The following BMP2K variants were observed in gnomAD, a reference collection of about 807,000 sequenced individuals.
The protein encoded by BMP2K is BMP2 inducible kinase.
In BMP2K, 74 loss-of-function variants were observed where a neutral mutation model predicts 116.0. That is an observed-to-expected ratio of 0.64 (90% CI 0.53 to 0.77). The LOEUF is 0.77. BMP2K is among the 30% of genes least tolerant of loss of function. The probability of loss-of-function intolerance (pLI) is 0.00; values close to 1 mark genes in which losing one functional copy is unlikely to be tolerated. For missense variants in BMP2K, 1,365 were observed against 1,403.6 expected, an observed-to-expected ratio of 0.97 and a Z score of 0.44; for synonymous variants, 486 against 502.5, an observed-to-expected ratio of 0.97 and a Z score of 0.44.
rs527236630 is a variant in BMP2K at position 78,847,451 on chromosome 4, T to C, written c.750+182T>C. Among the ~76,000 whole-genome samples, 5 of 151,830 alleles carry C rather than the reference T, an allele frequency of 3.3e-5. No individual in the cohort carries two copies. In the East Asian group the frequency reaches 9.6e-4, roughly 29 times the overall value. Reference sequence around the variant, plus strand: ...ACATTTTATCTTCTCAATCCTGAGATGGAAAGCTTATGTATCAAAAAGCAA... The same window carrying C: ...ACATTTTATCTTCTCAATCCTGAGACGGAAAGCTTATGTATCAAAAAGCAA... On this transcript the variant is annotated intron_variant, in intron 6 of 15. Transcript: ENST00000502613.
intron 1 of BMP2K, among the ~76,000 whole-genome samples, chr4:78,793,137 T>C (rs900718509): frequency 6.6e-6 from 1 of 152,068 alleles, no homozygotes; most frequent in Non-Finnish European, 1.5e-5. Context: ...GTAGGCCGGG[T>C]GCGGTGGCTC....
chr4:78,812,880 C>G (rs1161496095), intron 1 of BMP2K, among the ~76,000 whole-genome samples: 1 of 151,640 alleles, frequency 6.6e-6, no homozygotes, highest in African/African-American at 2.4e-5. Flanking sequence ...CCATCTCTAC[C>G]AAAAAATTAA....
intron 2 of BMP2K, among the ~76,000 whole-genome samples, chr4:78,829,858 C>G (rs1292848867): frequency 1.3e-5 from 1 of 79,884 alleles, no homozygotes; most frequent in Non-Finnish European, 2.9e-5. Flanking sequence ...TTCTTTTTTT[C>G]TTTTCTTTTC....
chr4:78,870,940 GCAGCAGCAGCAGCAACAGCAA>G lies in BMP2K; in HGVS notation c.1425_1445del (p.Gln480_Gln486del), dbSNP rs763199077. 1.2e-4 allele frequency: 193 copies of G among 1,608,356 alleles called. No individual in the cohort carries two copies. The highest frequency in any genetic ancestry group is 8.2e-4 in the Middle Eastern group (5 of 6,062). ...ATCGTCATCCTCACCAGCAGCAGCA[GCAGCAGCAGCAGCAACAGCAA>G]CAGCAGCAGCAGCAACAGCAACAGC... is the stretch of plus-strand genomic sequence containing the variant. On this transcript the variant is annotated inframe_deletion, in exon 11 of 16. Transcript: ENST00000502613.
chr4:78,878,037 A>G (rs1288259842), intron 13 of BMP2K, among the ~76,000 whole-genome samples: 1 of 152,186 alleles, frequency 6.6e-6, no homozygotes, highest in Non-Finnish European at 1.5e-5. Flanking sequence ...TTAAAAGCCA[A>G]GAGCCCTGTA....
intron 15 of BMP2K, among the ~76,000 whole-genome samples, chr4:78,909,680 G>A (rs965173670): frequency 1.9e-4 from 29 of 151,974 alleles, no homozygotes; most frequent in Admixed American, 7.9e-4. Context: ...CCTAACTGTC[G>A]TCTCCTTAGG....
In BMP2K at chr4:78,776,411, A is replaced by C; in HGVS notation, c.-133A>C. 93 of 848,954 alleles carry C rather than the reference A, an allele frequency of 1.1e-4. No individual in the cohort carries two copies. Among genetic ancestry groups the C allele is most frequent in the East Asian group, 7.0e-4 (9 of 12,862 alleles). The allele number at this position is 848,954 out of a possible 1,614,324, so 52.6% of individuals were successfully genotyped here. On this transcript the variant is annotated 5_prime_UTR_variant, in exon 1 of 16. An upstream start codon of the reference 5' UTR is lost. Transcript: ENST00000502613. ...AGGCTGTGCGCTTGGGGAGCGCGGAATGTGAGGCTTGGCGGGCCGCAGCAC... is the reference window on the plus strand; with the variant it reads ...AGGCTGTGCGCTTGGGGAGCGCGGACTGTGAGGCTTGGCGGGCCGCAGCAC...
intron 15 of BMP2K, among the ~76,000 whole-genome samples, chr4:78,902,290 TAAAG>T (rs1024887809): frequency 2.0e-5 from 3 of 152,196 alleles, no homozygotes; most frequent in Non-Finnish European, 2.9e-5. Context: ...TAACCTATTT[TAAAG>T]AAAAATTTAT....
At chr4:78,880,223 C>A (rs1732831509) in intron 14 of BMP2K, among the ~76,000 whole-genome samples, 1 of 152,160 alleles carries the variant, frequency 6.6e-6, no homozygotes, top group Non-Finnish European at 1.5e-5. Flanking sequence ...CAGGCATGTG[C>A]CACCACGCCC....
At chr4:78,796,812 A>C (rs1186696918) in intron 1 of BMP2K, among the ~76,000 whole-genome samples, 1 of 152,204 alleles carries the variant, frequency 6.6e-6, no homozygotes, top group Non-Finnish European at 1.5e-5. Context: ...ATGGAGAAAG[A>C]GTAATATTAG....
chr4:78,866,969 T>TG (rs1324112769), intron 10 of BMP2K, among the ~76,000 whole-genome samples: 1 of 152,038 alleles, frequency 6.6e-6, no homozygotes, highest in Non-Finnish European at 1.5e-5. Context: ...CCCAGCACTT[T>TG]GGGGGGCCAA....
intron 10 of BMP2K, among the ~76,000 whole-genome samples, chr4:78,866,215 A>G (rs1409487598): frequency 1.3e-5 from 2 of 152,196 alleles, no homozygotes; most frequent in East Asian, 1.9e-4. Context: ...TCTCCTAAGC[A>G]TTATGGTACA....
intron 1 of BMP2K, among the ~76,000 whole-genome samples, chr4:78,820,547 T>A (rs777975198): frequency 4.6e-5 from 7 of 152,006 alleles, no homozygotes; most frequent in Non-Finnish European, 1.0e-4. Flanking sequence ...TTCTGGAGAG[T>A]CTGTTGTTTA....
At chr4:78,785,381 G>A (rs949511002) in intron 1 of BMP2K, among the ~76,000 whole-genome samples, 1 of 152,082 alleles carries the variant, frequency 6.6e-6, no homozygotes, top group African/African-American at 2.4e-5. Flanking sequence ...CAAAGTGCTG[G>A]GATTACAGTC....
At chr4:78,811,817 A>G (rs1185461859) in intron 1 of BMP2K, among the ~76,000 whole-genome samples, 4 of 152,262 alleles carry the variant, frequency 2.6e-5, no homozygotes, top group Admixed American at 6.5e-5. Context: ...CCCATCATGT[A>G]TTGGCTTACA....
At position 78,826,028 on chromosome 4, in the gene BMP2K, T is replaced by C. The variant is rs1416798349; in HGVS notation, c.179-9T>C. 2 of 1,599,802 alleles carry C rather than the reference T, an allele frequency of 1.3e-6. No homozygotes were observed. Among genetic ancestry groups the C allele is most frequent in the Non-Finnish European group, 1.7e-6 (2 of 1,170,676 alleles). On this transcript the variant is annotated splice_polypyrimidine_tract_variant and intron_variant, in intron 1 of 15. Transcript: ENST00000502613. Reference sequence around the variant, plus strand: ...TTCTTTTAAATTAATTGGTGCTTTGTTTTTCTAGGTGGATTCTCCACAGTT... The same window carrying C: ...TTCTTTTAAATTAATTGGTGCTTTGCTTTTCTAGGTGGATTCTCCACAGTT...
chr4:78,916,176 C>G lies in BMP2K; in HGVS notation c.*4143C>G, dbSNP rs770628635. 1 of 151,866 alleles carries G rather than the reference C, an allele frequency of 6.6e-6. No individual in the cohort carries two copies. The highest frequency in any genetic ancestry group is 1.5e-5 in the Non-Finnish European group (1 of 67,856). The allele number at this position is 151,866 out of a possible 1,614,324, so 9.4% of individuals were successfully genotyped here. ...TCCCACCCCTTTTCCCCTGCCATAT[C>G]TAATTAAGCACTAACTGATTTTATT... On this transcript the variant is annotated 3_prime_UTR_variant, in exon 16 of 16. Coordinates refer to ENST00000502613, the MANE Select transcript of BMP2K (RefSeq NM_198892.2).
intron 3 of BMP2K, among the ~76,000 whole-genome samples, chr4:78,834,418 C>T (rs1228780980): frequency 2.0e-5 from 3 of 152,004 alleles, no homozygotes; most frequent in Non-Finnish European, 2.9e-5. Context: ...CCCGCCACGA[C>T]GCTCGGCTAA....
At chr4:78,781,105 G>T (rs1051364129) in intron 1 of BMP2K, among the ~76,000 whole-genome samples, 1 of 152,190 alleles carries the variant, frequency 6.6e-6, no homozygotes. Context: ...AGAGATCCAA[G>T]ATGATGTTGG....
Sources: allele counts gnomAD v4.1 joint callset (sites outside exome capture counted in the v4.1 genomes callset), GRCh38; gene constraint gnomAD v4.1.1; transcripts MANE v1.5; gene names NCBI Gene and HGNC (gene_info 2026-07-23, HGNC 2026-07-21).